FRMPD2: variants seen among roughly 807,000 people sequenced by gnomAD.
FRMPD2 encodes FERM and PDZ domain-containing protein 2.
A neutral mutation model predicts 140.1 loss-of-function variants in FRMPD2; 96 were observed. That is an observed-to-expected ratio of 0.69 (90% CI 0.58 to 0.81). The LOEUF is 0.81. Ranked by LOEUF, FRMPD2 falls within the 40% of genes least tolerant of loss-of-function variation. The probability of loss-of-function intolerance (pLI) is 0.00; values close to 1 mark genes in which losing one functional copy is unlikely to be tolerated. For missense variants in FRMPD2, 1,240 were observed against 1,447.4 expected, an observed-to-expected ratio of 0.86 and a Z score of 2.32; for synonymous variants, 449 against 547.6, an observed-to-expected ratio of 0.82 and a Z score of 2.52.
chr10:48,177,008 T>A (rs782267911), intron 22 of FRMPD2, among the ~76,000 whole-genome samples: 7 of 152,152 alleles, frequency 4.6e-5, no homozygotes, highest in African/African-American at 1.7e-4. Flanking sequence ...GTGTCCTTAC[T>A]TTGGTGGGAG....
chr10:48,179,996 A>G (rs1193020363), intron 21 of FRMPD2, among the ~76,000 whole-genome samples: 3 of 152,198 alleles, frequency 2.0e-5, no homozygotes, highest in African/African-American at 7.2e-5. Context: ...CTGAAGGGCG[A>G]GAGAAGGGAG....
At chr10:48,268,774 G>T (rs1209838879) in intron 1 of FRMPD2, among the ~76,000 whole-genome samples, 1 of 151,714 alleles carries the variant, frequency 6.6e-6, no homozygotes, top group Admixed American at 6.6e-5. Flanking sequence ...TGTGGTAGTG[G>T]TTACATAAAT....
chr10:48,234,955 G>C (rs567129605), intron 9 of FRMPD2, among the ~76,000 whole-genome samples: 2 of 152,252 alleles, frequency 1.3e-5, no homozygotes, highest in East Asian at 3.9e-4. Flanking sequence ...GGAGTCTCCA[G>C]TCACCTAAGC....
intron 10 of FRMPD2, among the ~76,000 whole-genome samples, chr10:48,230,489 C>T (rs1429321587): frequency 6.6e-6 from 1 of 152,168 alleles, no homozygotes; most frequent in Non-Finnish European, 1.5e-5. Context: ...AAAGTTCTAG[C>T]AGAACAAGCT....
At chr10:48,272,893 T>C (rs1024570528) in intron 1 of FRMPD2, among the ~76,000 whole-genome samples, 20 of 152,212 alleles carry the variant, frequency 1.3e-4, no homozygotes, top group African/African-American at 4.8e-4. Context: ...TACTTGTCAA[T>C]GTAAACAAAA....
At position 48,163,083 on chromosome 10, in the gene FRMPD2, C is replaced by A. The variant is rs1420684185; in HGVS notation, c.3881+245G>T. Among the ~76,000 whole-genome samples, 4 of 133,418 alleles carry A rather than the reference C, an allele frequency of 3.0e-5. No homozygotes were observed. The East Asian group carries it at 8.8e-4, about 29-fold the overall frequency. 87.5% of individuals were successfully genotyped at this position (133,418 alleles called of 152,430 possible). A position where few individuals can be genotyped will look rare whatever the true frequency, so the allele number is the denominator to read the frequency against. On this transcript the variant is annotated intron_variant, in intron 28 of 28. Transcript: ENST00000374201. ...CCAGGAGAAAACCTGAGGCCTGCCACCTATAGCTTCCAAGACATATTGGGG... is the reference window on the plus strand; with the variant it reads ...CCAGGAGAAAACCTGAGGCCTGCCAACTATAGCTTCCAAGACATATTGGGG...
In FRMPD2 at chr10:48,201,567, T is replaced by C. The variant is rs78362986; in HGVS notation, c.1798-183A>G. 206 of 512,710 alleles carry C rather than the reference T, an allele frequency of 4.0e-4. 3 individuals are homozygous for C. In the East Asian group the frequency reaches 5.8e-3, roughly 14 times the overall value. 31.8% of individuals were successfully genotyped at this position (512,710 alleles called of 1,614,324 possible). ...TTAGCTTAAAGAAAATCCCTCTTTT[T>C]AGTTTTTCCTTCATTCATCAATCAA... On this transcript the variant is annotated intron_variant, in intron 14 of 28. Coordinates refer to ENST00000374201, the MANE Select transcript of FRMPD2 (RefSeq NM_001018071.4).
At chr10:48,243,212 C>T (rs891778110) in intron 4 of FRMPD2, among the ~76,000 whole-genome samples, 4 of 152,180 alleles carry the variant, frequency 2.6e-5, no homozygotes, top group Admixed American at 6.5e-5. Context: ...ATGAGAGAGA[C>T]GGTCACTAAA....
At position 48,242,299 on chromosome 10, in the gene FRMPD2, G is replaced by T. The variant is rs1840136865; in HGVS notation, c.429C>A (p.Asp143Glu). 1 of 1,614,038 alleles carries T rather than the reference G, an allele frequency of 6.2e-7. No homozygotes were observed. The highest frequency in any genetic ancestry group is 1.7e-5 in the Admixed American group (1 of 60,000). Residue 143 changes from aspartate (D) to glutamate (E), a missense_variant, in exon 5 of 29, where the codon GAC becomes GAA. Transcript: ENST00000374201. ...GCAACGTGCACCGCCTGTGAGGCTG[G>T]TCTTCACACATGGTCAGCAGGATGG... ...LHSILLTMCEDQPHRRCTLQS... is the reference protein window; with the variant it reads ...LHSILLTMCEEQPHRRCTLQS...
intron 24 of FRMPD2, among the ~76,000 whole-genome samples, chr10:48,174,119 A>G (rs1588804749): frequency 6.6e-6 from 1 of 152,192 alleles, no homozygotes; most frequent in African/African-American, 2.4e-5. Flanking sequence ...CCGCTTTGGG[A>G]AAGAAAGCGA....
intron 1 of FRMPD2, among the ~76,000 whole-genome samples, chr10:48,259,479 G>A (rs1219369917): frequency 2.6e-5 from 4 of 152,050 alleles, no homozygotes; most frequent in African/African-American, 4.8e-5. Flanking sequence ...ACTTTGTCTC[G>A]AACCTTTAAA....
intron 15 of FRMPD2, among the ~76,000 whole-genome samples, chr10:48,193,627 A>T (rs747490496): frequency 1.1e-4 from 17 of 152,366 alleles, no homozygotes; most frequent in Admixed American, 1.0e-3. Context: ...CATAAAGCCA[A>T]GTTAGTATTT....
rs563245559 is a variant in FRMPD2 at position 48,242,485 on chromosome 10, T to C, written c.376-133A>G. ...AGCACCAGAGCAGATGCCTGCCCCTTCTGGAGAGTTTAAGGACAGACACAA... is the reference window on the plus strand; with the variant it reads ...AGCACCAGAGCAGATGCCTGCCCCTCCTGGAGAGTTTAAGGACAGACACAA... On this transcript the variant is annotated intron_variant, in intron 4 of 28. Coordinates refer to ENST00000374201, the MANE Select transcript of FRMPD2 (RefSeq NM_001018071.4). 6 of 686,572 alleles carry C rather than the reference T, an allele frequency of 8.7e-6. No homozygotes were observed. In the Admixed American group the frequency reaches 1.7e-4, roughly 20 times the overall value. 42.5% of individuals were successfully genotyped at this position (686,572 alleles called of 1,614,324 possible). A position where few individuals can be genotyped will look rare whatever the true frequency, so the allele number is the denominator to read the frequency against.
intron 10 of FRMPD2, among the ~76,000 whole-genome samples, chr10:48,230,942 C>A (rs1012191535): frequency 9.2e-5 from 14 of 152,194 alleles, no homozygotes; most frequent in African/African-American, 1.4e-4. Flanking sequence ...GAAATGACAA[C>A]CAACACCTAT....
At chr10:48,188,022 A>G (rs1275548800) in intron 16 of FRMPD2, among the ~76,000 whole-genome samples, 4 of 152,192 alleles carry the variant, frequency 2.6e-5, no homozygotes, top group Admixed American at 6.5e-5. Context: ...TTCAGAGGTG[A>G]GCAAAGTCTA....
chr10:48,267,082 A>G (rs908119078), intron 1 of FRMPD2, among the ~76,000 whole-genome samples: 1 of 152,202 alleles, frequency 6.6e-6, no homozygotes, highest in African/African-American at 2.4e-5. Flanking sequence ...GTATCAGGGA[A>G]CATCTGCTAA....
intron 13 of FRMPD2, among the ~76,000 whole-genome samples, chr10:48,211,008 G>A (rs904752867): frequency 1.3e-5 from 2 of 152,262 alleles, no homozygotes; most frequent in Non-Finnish European, 2.9e-5. Flanking sequence ...TGCACAGGCA[G>A]AGTAGCCACT....
chr10:48,231,792 C>A (rs1270583094), intron 10 of FRMPD2, among the ~76,000 whole-genome samples: 3 of 152,178 alleles, frequency 2.0e-5, no homozygotes, highest in Non-Finnish European at 4.4e-5. Context: ...ACTAAGTCCC[C>A]ATTAGTCCTG....
At chr10:48,210,106 T>C (rs954176653) in intron 13 of FRMPD2, among the ~76,000 whole-genome samples, 5 of 152,100 alleles carry the variant, frequency 3.3e-5, no homozygotes, top group African/African-American at 1.2e-4. Context: ...TATGAGGAAA[T>C]GTTTACTTTT....
Sources: gnomAD v4.1 joint callset for allele counts (sites outside exome capture counted in the v4.1 genomes callset) on GRCh38, gnomAD v4.1.1 for gene constraint, MANE v1.5 for transcripts, NCBI Gene and HGNC (gene_info 2026-07-23, HGNC 2026-07-21) for gene names.